ABAT: variants seen among roughly 807,000 people sequenced by gnomAD.
ABAT encodes the protein 4-aminobutyrate aminotransferase, mitochondrial.
A neutral mutation model predicts 64.6 loss-of-function variants in ABAT; 45 were observed. The observed-to-expected ratio is 0.70, with a 90% confidence interval of 0.55 to 0.89. ABAT has a LOEUF of 0.89. Among genes scored for constraint, ABAT ranks in the 40% least tolerant of loss-of-function variants. ABAT has a pLI of 0.00. For missense variants in ABAT, 633 were observed against 658.4 expected, an observed-to-expected ratio of 0.96 and a Z score of 0.42; for synonymous variants, 297 against 250.5, an observed-to-expected ratio of 1.19 and a Z score of -1.75.
intron 1 of ABAT, chr16:8,705,624 A>G (rs2142046720): frequency 6.6e-6 from 1 of 152,336 alleles, no homozygotes; most frequent in East Asian, 1.9e-4. Flanking sequence ...AGAGAGAGCC[A>G]GGGGTGATGG....
rs62031064 is a variant in ABAT at position 8,744,729 on chromosome 16, G to C, written c.71-1272G>C. On this transcript the variant is annotated intron_variant, in intron 2 of 15. Coordinates refer to ENST00000268251, the MANE Select transcript of ABAT (RefSeq NM_020686.6). ...CTAAAAATACTAAAATTAGCCGGGT[G>C]TAGTGGTAGGCACCTGTAATCCCAG... is the stretch of plus-strand genomic sequence containing the variant. Among the ~76,000 whole-genome samples, 2 of 151,704 alleles carry C rather than the reference G, an allele frequency of 1.3e-5. 1 individual carries two copies. Among genetic ancestry groups the C allele is most frequent in the South Asian group, 4.2e-4 (2 of 4,784 alleles).
At chr16:8,753,734 C>A (rs78423205) in intron 5 of ABAT, among the ~76,000 whole-genome samples, 4,184 of 152,170 alleles carry the variant, frequency 0.027, 180 homozygotes, top group African/African-American at 0.094. Context: ...AGTCTTGGGG[C>A]CAGCGTGTGT....
At chr16:8,774,582 C>A (rs978922611) in intron 12 of ABAT, among the ~76,000 whole-genome samples, 1 of 152,022 alleles carries the variant, frequency 6.6e-6, no homozygotes, top group African/African-American at 2.4e-5. Context: ...AGGTCGAGAC[C>A]CGAGACTGAA....
At chr16:8,724,163 C>T (rs2058466767) in intron 1 of ABAT, among the ~76,000 whole-genome samples, 9 of 151,932 alleles carry the variant, frequency 5.9e-5, no homozygotes, top group Admixed American at 5.9e-4. Flanking sequence ...TTCTAAAACC[C>T]AGGCTCAAAT....
intron 6 of ABAT, 79 bp downstream of exon 6, chr16:8,757,885 T>A: frequency 6.9e-7 from 1 of 1,456,350 alleles, no homozygotes; most frequent in Admixed American, 1.7e-5. Context: ...ACTTTGGCAA[T>A]AGTCCTTTCA....
chr16:8,757,867 C>G (rs917601041), intron 6 of ABAT, 61 bp downstream of exon 6: 21 of 1,542,196 alleles, frequency 1.4e-5, no homozygotes, highest in Non-Finnish European at 1.8e-5. Flanking sequence ...CACAGAATCA[C>G]TGGGCAGACT....
intron 1 of ABAT, among the ~76,000 whole-genome samples, chr16:8,701,010 T>C (rs1414339242): frequency 6.6e-6 from 1 of 151,620 alleles, no homozygotes; most frequent in African/African-American, 2.4e-5. Flanking sequence ...CAATCTTGGC[T>C]CACTGTAACC....
chr16:8,735,632 A>T, intron 1 of ABAT, 67 bp from the exon 2 acceptor site: 1 of 1,295,758 alleles, frequency 7.7e-7, no homozygotes, highest in South Asian at 1.3e-5. Context: ...AGTGGTGGGG[A>T]TGGGATCTTT....
At chr16:8,686,050 G>A (rs1048854954) in intron 1 of ABAT, among the ~76,000 whole-genome samples, 1 of 152,196 alleles carries the variant, frequency 6.6e-6, no homozygotes, top group African/African-American at 2.4e-5. Context: ...TTAGAACGTG[G>A]AAGCTCCTTC....
In ABAT at chr16:8,766,326, C is replaced by T. The variant is rs528852403; in HGVS notation, c.603+56C>T. On this transcript the variant is annotated intron_variant, in intron 9 of 15. Transcript: ENST00000268251. ...TCTGGGGAAGCTGCACAGCCTCTCC[C>T]GGGCTGTTGCTGGCTGGCTGGCACT... 20 of 1,548,396 alleles carry T rather than the reference C, an allele frequency of 1.3e-5. No homozygotes were observed. In the Admixed American group the frequency reaches 1.4e-4, roughly 11 times the overall value.
chr16:8,735,978 G>A (rs2058916712), intron 2 of ABAT, 169 bp downstream of exon 2: 1 of 632,002 alleles, frequency 1.6e-6, no homozygotes, highest in Non-Finnish European at 2.8e-6. Flanking sequence ...AGGTACACCT[G>A]AGACTGGGTA....
intron 2 of ABAT, among the ~76,000 whole-genome samples, chr16:8,744,486 G>C (rs1195440095): frequency 6.6e-6 from 1 of 151,802 alleles, no homozygotes; most frequent in South Asian, 2.1e-4. Context: ...TCATGCCTCA[G>C]CCTCCCTAGT....
chr16:8,734,023 T>C (rs1470215403), intron 1 of ABAT, among the ~76,000 whole-genome samples: 1 of 152,216 alleles, frequency 6.6e-6, no homozygotes, highest in African/African-American at 2.4e-5. Flanking sequence ...GCATATTTTT[T>C]CCCATTCATC....
chr16:8,719,801 A>C (rs1394820364), intron 1 of ABAT, among the ~76,000 whole-genome samples: 1 of 152,158 alleles, frequency 6.6e-6, no homozygotes, highest in Non-Finnish European at 1.5e-5. Context: ...AGTTGTTCAC[A>C]ATTTTTGTTT....
At chr16:8,726,615 C>T (rs937001144) in intron 1 of ABAT, among the ~76,000 whole-genome samples, 5 of 152,162 alleles carry the variant, frequency 3.3e-5, no homozygotes, top group Admixed American at 6.5e-5. Context: ...AGGTTGCTTC[C>T]AAATCTTAGC....
chr16:8,776,656 G>T lies in ABAT; in HGVS notation c.1269+166G>T, dbSNP rs1173824328. The stretch of plus-strand genomic sequence containing the variant: ...GGGCTTTGCACATGCTGTGTCCTCT[G>T]CAGGGGATGCCTCCCTATCCCTCCA... On this transcript the variant is annotated intron_variant, in intron 14 of 15. Transcript: ENST00000268251. This position sits in a 1 kb window ranked among gnomAD's most constrained non-coding sequence, Gnocchi z 4.4. Among the ~76,000 whole-genome samples the T allele has an allele frequency of 6.6e-6, 1 of 152,206 alleles. No homozygotes were observed. Among genetic ancestry groups the T allele is most frequent in the Non-Finnish European group, 1.5e-5 (1 of 68,032 alleles).
rs575996887 is a variant in ABAT at position 8,679,210 on chromosome 16, G to T, written c.-42+4499G>T. ...TTAATCATAAGATAAAAATTAAAAT[G>T]AATAGAGCACAACCCACAGAGGTTG... On this transcript the variant is annotated intron_variant, in intron 1 of 15. Transcript: ENST00000268251. 3.9e-5 allele frequency among the ~76,000 whole-genome samples: 6 copies of T among 152,260 alleles called. No individual in the cohort carries two copies. The East Asian group carries it at 1.2e-3, about 29-fold the overall frequency.
Position 8,699,895 on chromosome 16 carries a change from C to T in ABAT, c.-42+25184C>T, listed in dbSNP as rs774252968. Among the ~76,000 whole-genome samples, 13 of 152,216 alleles carry T rather than the reference C, an allele frequency of 8.5e-5. No homozygotes were observed. The South Asian group carries it at 1.9e-3, about 22-fold the overall frequency. Reference sequence around the variant, plus strand: ...GTGGCACGATCACGGCTGACTGCAACCTCGACCTCTTGGGCTCAGGTGATT... The same window carrying T: ...GTGGCACGATCACGGCTGACTGCAATCTCGACCTCTTGGGCTCAGGTGATT... On this transcript the variant is annotated intron_variant, in intron 1 of 15. Transcript: ENST00000268251.
intron 1 of ABAT, among the ~76,000 whole-genome samples, chr16:8,675,957 G>A (rs1057055810): frequency 1.3e-5 from 2 of 151,902 alleles, no homozygotes; most frequent in African/African-American, 2.4e-5. Flanking sequence ...GTGCTGCTGG[G>A]CCCATCCACT....
Sources: gnomAD v4.1 joint callset for allele counts (sites outside exome capture counted in the v4.1 genomes callset) on GRCh38, gnomAD v4.1.1 for gene constraint, Gnocchi (gnomAD v3.1) non-coding constraint, MANE v1.5 for transcripts, NCBI Gene and HGNC (gene_info 2026-07-23, HGNC 2026-07-21) for gene names.